The following SLC30A6 variants were observed in gnomAD, a reference collection of about 807,000 sequenced individuals.
The protein encoded by SLC30A6 is solute carrier family 30 member 6.
Under a neutral mutation model 63.0 loss-of-function variants are expected in SLC30A6, and 55 were observed. The observed-to-expected ratio is 0.87, with a 90% CI of 0.70 to 1.09. SLC30A6 has a LOEUF of 1.09. SLC30A6 is among the 50% of genes least tolerant of loss of function. The pLI, the probability that SLC30A6 is intolerant of heterozygous loss-of-function variation, is 0.00. For synonymous variants in SLC30A6, 224 were observed against 186.1 expected, an observed-to-expected ratio of 1.20 and a Z score of -1.66; for missense variants, 587 against 549.2, an observed-to-expected ratio of 1.07 and a Z score of -0.69.
intron 10 of SLC30A6, 111 bp from the exon 11 acceptor site, chr2:32,204,479 G>C (rs982392123): frequency 3.9e-5 from 20 of 513,494 alleles, no homozygotes; most frequent in African/African-American, 3.6e-4. Flanking sequence ...TGATAAAATT[G>C]TGTCCTGTTG....
chr2:32,215,513 TA>T (rs1431704241), intron 13 of SLC30A6, among the ~76,000 whole-genome samples: 2 of 87,030 alleles, frequency 2.3e-5, no homozygotes, highest in East Asian at 5.3e-4. Context: ...TATATATATA[TA>T]TATTTTTTTT....
chr2:32,188,847 T>G (rs908262379), intron 5 of SLC30A6, among the ~76,000 whole-genome samples: 3 of 152,208 alleles, frequency 2.0e-5, no homozygotes, highest in Non-Finnish European at 4.4e-5. Context: ...TCGTGTCCAT[T>G]CAGACCCTAC....
intron 10 of SLC30A6, chr2:32,202,386 C>G (rs1279465001): frequency 1.1e-5 from 3 of 279,938 alleles, no homozygotes; most frequent in Non-Finnish European, 2.0e-5. Flanking sequence ...CTCTGTCGCC[C>G]AGGCTGGATC....
intron 4 of SLC30A6, among the ~76,000 whole-genome samples, chr2:32,183,918 A>G (rs1682578217): frequency 6.6e-6 from 1 of 152,194 alleles, no homozygotes; most frequent in Non-Finnish European, 1.5e-5. Context: ...GTTAAAATTG[A>G]TCATATGTGT....
intron 2 of SLC30A6, among the ~76,000 whole-genome samples, chr2:32,173,005 C>T (rs980655520): frequency 2.0e-5 from 3 of 152,210 alleles, no homozygotes; most frequent in Non-Finnish European, 4.4e-5. Context: ...TAAAGGCAAT[C>T]CTTTCACTTG....
chr2:32,181,957 CAG>C (rs1682360805), intron 4 of SLC30A6, among the ~76,000 whole-genome samples: 3 of 121,408 alleles, frequency 2.5e-5, no homozygotes, highest in African/African-American at 6.5e-5. Flanking sequence ...TTTTTTGAGA[CAG>C]GGTATTACTC....
At chr2:32,181,776 G>C (rs1682335962) in intron 4 of SLC30A6, among the ~76,000 whole-genome samples, 1 of 151,926 alleles carries the variant, frequency 6.6e-6, no homozygotes, top group Non-Finnish European at 1.5e-5. Context: ...GCTGAGGTGG[G>C]AGAATCGCTT....
At position 32,197,378 on chromosome 2, in the gene SLC30A6, A is replaced by G. The variant is rs756546676; in HGVS notation, c.531A>G (p.Ala177=). Residue 177 remains alanine (A), a synonymous_variant, in exon 9 of 14, where the codon GCA becomes GCG. Coordinates refer to ENST00000282587, the MANE Select transcript of SLC30A6 (RefSeq NM_017964.5). Reference sequence around the variant, plus strand: ...CGAGCTGGCTTCAAGAGCATGTTGCAGATCTTAGTCGAAGGTAAGATGTTA... The same window carrying G: ...CGAGCTGGCTTCAAGAGCATGTTGCGGATCTTAGTCGAAGGTAAGATGTTA... The part of the protein sequence containing the change: ...ASTSWLQEHV[A]DLSRSLCGII... 13 of 1,613,624 alleles carry G rather than the reference A, an allele frequency of 8.1e-6. No homozygotes were observed. In the African/African-American group the frequency reaches 1.5e-4, roughly 18 times the overall value.
At chr2:32,208,676 T>A (rs1410736931) in intron 12 of SLC30A6, among the ~76,000 whole-genome samples, 1 of 109,274 alleles carries the variant, frequency 9.2e-6, no homozygotes, top group Non-Finnish European at 2.0e-5. Flanking sequence ...TCCCACCGGC[T>A]AATTGTTGTA....
rs1338148196 is a variant in SLC30A6 at position 32,182,135 on chromosome 2, A to T, written c.219-2138A>T. ...ATTTTTGTGGTGATGGGGTCTCGAC[A>T]TGTTGCCTAGGCTGGTCTTGTACTC... On this transcript the variant is annotated intron_variant, in intron 4 of 13. Coordinates refer to ENST00000282587, the MANE Select transcript of SLC30A6 (RefSeq NM_017964.5). 4.6e-5 allele frequency among the ~76,000 whole-genome samples: 7 copies of T among 151,662 alleles called. No homozygotes were observed. The East Asian group carries it at 1.4e-3, about 29-fold the overall frequency.
At chr2:32,176,452 T>G (rs1412701577) in intron 4 of SLC30A6, among the ~76,000 whole-genome samples, 2 of 151,530 alleles carry the variant, frequency 1.3e-5, no homozygotes, top group African/African-American at 4.9e-5. Flanking sequence ...AAGTCAGGAG[T>G]TCGAGACCAG....
At chr2:32,182,297 A>C (rs920149257) in intron 4 of SLC30A6, among the ~76,000 whole-genome samples, 1 of 152,148 alleles carries the variant, frequency 6.6e-6, no homozygotes, top group African/African-American at 2.4e-5. Flanking sequence ...GCAATTTCAA[A>C]AATCATTCAT....
chr2:32,177,398 C>G (rs576911451), intron 4 of SLC30A6: 4 of 181,494 alleles, frequency 2.2e-5, no homozygotes, highest in African/African-American at 9.6e-5. Context: ...TCAAGTGATT[C>G]TTTTGCCTCA....
intron 10 of SLC30A6, chr2:32,202,079 A>G: frequency 1.2e-6 from 1 of 818,942 alleles, no homozygotes; most frequent in Non-Finnish European, 1.9e-6. Flanking sequence ...TCAAGTGATA[A>G]GAAGCTAGAG....
At position 32,220,888 on chromosome 2, in the gene SLC30A6, T is replaced by G. The variant is rs1686105655; in HGVS notation, c.*175T>G. 1.6e-6 allele frequency: 1 copy of G among 616,516 alleles called. No individual in the cohort carries two copies. Among genetic ancestry groups the G allele is most frequent in the Non-Finnish European group, 2.7e-6 (1 of 369,680 alleles). 38.2% of individuals were successfully genotyped at this position (616,516 alleles called of 1,614,324 possible). The stretch of plus-strand genomic sequence containing the variant: ...TTTTTGTAAAATGTATTTGTGACAG[T>G]GAAATCCTCGTAAATGTTAAAGGCT... On this transcript the variant is annotated 3_prime_UTR_variant, in exon 14 of 14. Coordinates refer to ENST00000282587, the MANE Select transcript of SLC30A6 (RefSeq NM_017964.5).
intron 13 of SLC30A6, among the ~76,000 whole-genome samples, chr2:32,211,603 C>T (rs991007315): frequency 6.6e-6 from 1 of 151,630 alleles, no homozygotes; most frequent in African/African-American, 2.4e-5. Flanking sequence ...ATGCAGTGCA[C>T]CCTTTCTTCT....
At chr2:32,213,790 G>T (rs1685453669) in intron 13 of SLC30A6, among the ~76,000 whole-genome samples, 1 of 142,034 alleles carries the variant, frequency 7.0e-6, no homozygotes, top group African/African-American at 2.6e-5. Context: ...ACAGGTCTAG[G>T]ATAAACTTTT....
Position 32,221,969 on chromosome 2 carries a change from T to C in SLC30A6, c.*1256T>C, listed in dbSNP as rs146738330. The stretch of plus-strand genomic sequence containing the variant: ...GGAGTTCCATACATAATATGGAATT[T>C]GATGTCTTTTCAAGTTGCACAAAGA... On this transcript the variant is annotated 3_prime_UTR_variant, in exon 14 of 14. Coordinates refer to ENST00000282587, the MANE Select transcript of SLC30A6 (RefSeq NM_017964.5). The C allele has an allele frequency of 2.0e-5, 3 of 152,306 alleles. No individual in the cohort carries two copies. In the East Asian group the frequency reaches 5.8e-4, roughly 29 times the overall value. 9.4% of individuals were successfully genotyped at this position (152,306 alleles called of 1,614,324 possible).
chr2:32,203,990 G>A, intron 10 of SLC30A6: 4 of 724,930 alleles, frequency 5.5e-6, no homozygotes, highest in South Asian at 1.7e-5. Flanking sequence ...AGCCACAAAC[G>A]GAGTTTTGAC....
Sources: gnomAD v4.1 joint callset for allele counts (sites outside exome capture counted in the v4.1 genomes callset) on GRCh38, gnomAD v4.1.1 for gene constraint, MANE v1.5 for transcripts, NCBI Gene and HGNC (gene_info 2026-07-23, HGNC 2026-07-21) for gene names.